The following PREX2 variants were observed in gnomAD, a reference collection of about 807,000 sequenced individuals.
PREX2 encodes the protein phosphatidylinositol 3,4,5-trisphosphate-dependent Rac exchanger 2 protein.
Under a neutral mutation model 203.2 loss-of-function variants are expected in PREX2, and 107 were observed. The ratio of observed to expected loss-of-function variants is 0.53; its 90% CI spans 0.45 to 0.62. The LOEUF (loss-of-function observed/expected upper bound fraction) is 0.62, where lower values mean the gene tolerates loss of function less well. Ranked by LOEUF, PREX2 falls within the 20% of genes least tolerant of loss-of-function variation. The probability of loss-of-function intolerance (pLI) is 0.00; values close to 1 mark genes in which losing one functional copy is unlikely to be tolerated. For missense variants in PREX2, 1,777 were observed against 1,955.9 expected, an observed-to-expected ratio of 0.91 and a Z score of 1.72; for synonymous variants, 672 against 663.6, an observed-to-expected ratio of 1.01 and a Z score of -0.19.
intron 36 of PREX2, among the ~76,000 whole-genome samples, 175 bp downstream of exon 36, chr8:68,191,963 AGTTCTGGG>A (rs1479944144): frequency 1.3e-5 from 2 of 152,126 alleles, no homozygotes; most frequent in Non-Finnish European, 2.9e-5. Context: ...TCATACTTTA[AGTTCTGGG>A]GTACATGCAC....
intron 11 of PREX2, among the ~76,000 whole-genome samples, chr8:68,065,059 C>T (rs994030592): frequency 7.9e-5 from 12 of 152,274 alleles, no homozygotes; most frequent in African/African-American, 2.9e-4. Context: ...CACCCATTTT[C>T]CATGCTAGAT....
intron 30 of PREX2, among the ~76,000 whole-genome samples, chr8:68,125,741 A>G (rs543791382): frequency 6.6e-6 from 1 of 152,194 alleles, no homozygotes; most frequent in East Asian, 1.9e-4. Context: ...ATAAAGAAAA[A>G]TGCTTTATTC....
chr8:68,065,702 T>C (rs1436284652), intron 11 of PREX2, among the ~76,000 whole-genome samples: 1 of 152,206 alleles, frequency 6.6e-6, no homozygotes, highest in Admixed American at 6.5e-5. Context: ...ATCATAAAAA[T>C]ATAGCTCTTT....
rs560006454 is a variant in PREX2 at position 68,160,847 on chromosome 8, C to T, written c.4346+3411C>T. On this transcript the variant is annotated intron_variant, in intron 35 of 39. Coordinates refer to ENST00000288368, the MANE Select transcript of PREX2 (RefSeq NM_024870.4). Reference sequence around the variant, plus strand: ...AGTATGAGACCAACAGAATCTTTCTCTTTTTTGACAGTTTACTCAAAAGGT... The same window carrying T: ...AGTATGAGACCAACAGAATCTTTCTTTTTTTTGACAGTTTACTCAAAAGGT... 3.9e-4 allele frequency among the ~76,000 whole-genome samples: 59 copies of T among 152,162 alleles called. 1 individual carries two copies. Among genetic ancestry groups the T allele is most frequent in the African/African-American group, 1.4e-3 (59 of 41,546 alleles).
intron 1 of PREX2, among the ~76,000 whole-genome samples, chr8:67,965,474 A>G (rs1393902819): frequency 6.6e-6 from 1 of 151,192 alleles, no homozygotes; most frequent in Non-Finnish European, 1.5e-5. Context: ...TAATTAACAT[A>G]TGTAATTATT....
chr8:68,168,301 C>G (rs1164039735), intron 35 of PREX2, among the ~76,000 whole-genome samples: 1 of 152,128 alleles, frequency 6.6e-6, no homozygotes, highest in Non-Finnish European at 1.5e-5. Flanking sequence ...ATGTGACATA[C>G]CAGTCACACT....
intron 25 of PREX2, among the ~76,000 whole-genome samples, chr8:68,112,877 C>T (rs1810562145): frequency 1.3e-5 from 2 of 152,110 alleles, no homozygotes. Flanking sequence ...CTGTTAAGGA[C>T]TTAGCATCGT....
intron 1 of PREX2, among the ~76,000 whole-genome samples, chr8:67,965,358 C>G (rs749565438): frequency 1.3e-5 from 2 of 152,050 alleles, no homozygotes; most frequent in Non-Finnish European, 2.9e-5. Flanking sequence ...ACAGTGCTTC[C>G]TAACAGGTTT....
chr8:68,026,128 G>T (rs746339112), intron 4 of PREX2, among the ~76,000 whole-genome samples: 9 of 152,126 alleles, frequency 5.9e-5, no homozygotes, highest in Non-Finnish European at 1.3e-4. Flanking sequence ...GCATGCTTGC[G>T]TAAGAGCATG....
chr8:67,976,669 C>CAG lies in PREX2; in HGVS notation c.141+24144_141+24145dup, dbSNP rs1189513790. ...CAGAGAGAGAGAGACGGGAGAGAGA[C>CAG]AGAGAGAGAGACAGGAGAGAGACAG... is the stretch of plus-strand genomic sequence containing the variant. On this transcript the variant is annotated intron_variant, in intron 1 of 39. Coordinates refer to ENST00000288368, the MANE Select transcript of PREX2 (RefSeq NM_024870.4). Among the ~76,000 whole-genome samples, 18 of 55,314 alleles carry CAG rather than the reference C, an allele frequency of 3.3e-4. 2 individuals are homozygous for CAG. Among genetic ancestry groups the CAG allele is most frequent in the Non-Finnish European group, 3.1e-4 (9 of 29,458 alleles). 36.3% of individuals were successfully genotyped at this position (55,314 alleles called of 152,430 possible). A position where few individuals can be genotyped will look rare whatever the true frequency, so the allele number is the denominator to read the frequency against.
At chr8:68,121,565 T>C (rs1017322406) in intron 30 of PREX2, among the ~76,000 whole-genome samples, 1 of 152,120 alleles carries the variant, frequency 6.6e-6, no homozygotes, top group Non-Finnish European at 1.5e-5. Context: ...AACCTGTAAA[T>C]TGGAGATATA....
rs1563548303 is a variant in PREX2 at position 68,105,680 on chromosome 8, A to AG, written c.2716-2429_2716-2428insG. On this transcript the variant is annotated intron_variant, in intron 23 of 39. Coordinates refer to ENST00000288368, the MANE Select transcript of PREX2 (RefSeq NM_024870.4). ...TAAATGACAGACCATATATATATGG[A>AG]TTATATATATATATATATATGGATA... 3.1e-4 allele frequency: 37 copies of AG among 118,590 alleles called. 1 individual carries two copies. In the Admixed American group the frequency reaches 4.8e-3, roughly 15 times the overall value. 7.3% of individuals were successfully genotyped at this position (118,590 alleles called of 1,614,324 possible).
At chr8:68,172,681 G>C (rs1030754) in intron 35 of PREX2, among the ~76,000 whole-genome samples, 28,634 of 152,068 alleles carry the variant, frequency 0.19, 3,314 homozygotes, top group East Asian at 0.28. Flanking sequence ...ATAGTATTTG[G>C]GGGAGAAGGG....
At chr8:68,076,717 A>ACACACACACACT (rs1809360906) in intron 14 of PREX2, among the ~76,000 whole-genome samples, 1 of 137,246 alleles carries the variant, frequency 7.3e-6, no homozygotes, top group Admixed American at 7.3e-5. Flanking sequence ...ACACACACAC[A>ACACACACACACT]CACACACATG....
chr8:68,117,426 C>G (rs1427686668), intron 26 of PREX2, among the ~76,000 whole-genome samples: 3 of 152,194 alleles, frequency 2.0e-5, no homozygotes, highest in Admixed American at 2.0e-4. Flanking sequence ...ATAGATCAGA[C>G]AGATTAACCA....
intron 7 of PREX2, 99 bp from the exon 8 acceptor site, chr8:68,044,388 A>G: frequency 1.3e-6 from 1 of 769,062 alleles, no homozygotes; most frequent in Non-Finnish European, 2.2e-6. Flanking sequence ...TGTCGATTGA[A>G]TTGGTGTCTT....
At chr8:68,168,363 C>T (rs924795685) in intron 35 of PREX2, among the ~76,000 whole-genome samples, 6 of 152,248 alleles carry the variant, frequency 3.9e-5, no homozygotes, top group Middle Eastern at 3.4e-3. Flanking sequence ...TCATATCAAA[C>T]AGACAGCTGA....
At chr8:68,021,802 T>C (rs1807575287) in intron 3 of PREX2, among the ~76,000 whole-genome samples, 1 of 152,218 alleles carries the variant, frequency 6.6e-6, no homozygotes, top group Non-Finnish European at 1.5e-5. Flanking sequence ...CTTTGGTTCA[T>C]TTGTCTACTT....
chr8:68,066,022 T>A (rs375409094), intron 11 of PREX2, among the ~76,000 whole-genome samples: 1 of 152,174 alleles, frequency 6.6e-6, no homozygotes, highest in South Asian at 2.1e-4. Flanking sequence ...CTTCACATAG[T>A]TATCACTTTT....
Sources: allele counts gnomAD v4.1 joint callset (sites outside exome capture counted in the v4.1 genomes callset), GRCh38; gene constraint gnomAD v4.1.1; transcripts MANE v1.5; gene names NCBI Gene and HGNC (gene_info 2026-07-23, HGNC 2026-07-21).